ADAMTSL3: variants seen among roughly 807,000 people sequenced by gnomAD.
The protein encoded by ADAMTSL3 is ADAMTS-like protein 3.
A neutral mutation model predicts 201.7 loss-of-function variants in ADAMTSL3; 128 were observed. The observed-to-expected ratio is 0.63, with a 90% CI of 0.55 to 0.73. The LOEUF is 0.73. Among genes scored for constraint, ADAMTSL3 ranks in the 30% least tolerant of loss-of-function variants. ADAMTSL3 has a pLI of 0.00. For missense variants in ADAMTSL3, 1,990 were observed against 2,119.6 expected (o/e 0.94, Z 1.20); for synonymous variants, 738 against 748.4 (o/e 0.99, Z 0.23).
At chr15:83,836,502 A>T (rs776006429) in intron 6 of ADAMTSL3, among the ~76,000 whole-genome samples, 31 of 152,306 alleles carry the variant, frequency 2.0e-4, no homozygotes, top group Non-Finnish European at 4.3e-4. Flanking sequence ...GAATTGTTAT[A>T]AATAATTGTC....
intron 21 of ADAMTSL3, 134 bp downstream of exon 21, chr15:83,983,478 A>G (rs1324533441): frequency 2.9e-6 from 2 of 699,408 alleles, no homozygotes; most frequent in East Asian, 3.0e-5. Flanking sequence ...AGAAACTAAA[A>G]AATGTTAAGA....
intron 2 of ADAMTSL3, among the ~76,000 whole-genome samples, chr15:83,676,961 A>G (rs555612256): frequency 6.4e-4 from 98 of 152,326 alleles, no homozygotes; most frequent in Admixed American, 1.1e-3. Flanking sequence ...TTTATAAACT[A>G]CCCAGTTTGT....
chr15:83,797,398 C>T (rs1281511658), intron 4 of ADAMTSL3, among the ~76,000 whole-genome samples: 4 of 152,004 alleles, frequency 2.6e-5, no homozygotes, highest in Non-Finnish European at 5.9e-5. Context: ...GGATCACTTG[C>T]GGTCAGGAGT....
At chr15:83,885,899 A>G (rs892261434) in intron 10 of ADAMTSL3, among the ~76,000 whole-genome samples, 1 of 151,900 alleles carries the variant, frequency 6.6e-6, no homozygotes, top group Non-Finnish European at 1.5e-5. Context: ...TAATTTTTGT[A>G]TTTTTAGTAA....
chr15:83,923,871 T>C (rs200533233), intron 16 of ADAMTSL3, 33 bp from the exon 17 acceptor site: 222 of 1,611,568 alleles, frequency 1.4e-4, no homozygotes, highest in Non-Finnish European at 1.8e-4. Context: ...TTATTCCATG[T>C]CATTTGCATT....
At chr15:83,938,450 G>A (rs895413516) in intron 17 of ADAMTSL3, among the ~76,000 whole-genome samples, 1 of 152,184 alleles carries the variant, frequency 6.6e-6, no homozygotes, top group Non-Finnish European at 1.5e-5. Flanking sequence ...CTAGGCTAGA[G>A]CTATTTTATA....
chr15:83,907,059 A>T (rs1445391536), intron 15 of ADAMTSL3, among the ~76,000 whole-genome samples: 1 of 145,444 alleles, frequency 6.9e-6, no homozygotes, highest in African/African-American at 2.6e-5. Context: ...ACACCACTGC[A>T]CTCCAGCCTG....
chr15:83,812,160 T>C, intron 5 of ADAMTSL3, among the ~76,000 whole-genome samples: 1 of 152,322 alleles, frequency 6.6e-6, no homozygotes, highest in East Asian at 1.9e-4. Flanking sequence ...TTGAACTGCT[T>C]CCTGCTTTAT....
At position 83,714,780 on chromosome 15, in the gene ADAMTSL3, TTTC is replaced by T. The variant is rs1218148807; in HGVS notation, c.189+10275_189+10277del. On this transcript the variant is annotated intron_variant, in intron 3 of 29. Transcript: ENST00000286744. ...CCTTTTCTCTTTCTTTCTTTCTTTCTTTCTTTTTCTTTCTCTCTCTTTCTTTCT... is the reference window on the plus strand; with the variant it reads ...CCTTTTCTCTTTCTTTCTTTCTTTCTTTTTTCTTTCTCTCTCTTTCTTTCT... 3.4e-5 allele frequency among the ~76,000 whole-genome samples: 4 copies of T among 116,924 alleles called. 1 individual carries two copies. The highest frequency in any genetic ancestry group is 1.2e-4 in the African/African-American group (4 of 34,156). 76.7% of individuals were successfully genotyped at this position (116,924 alleles called of 152,430 possible).
At chr15:83,700,722 T>A (rs1035882663) in intron 2 of ADAMTSL3, among the ~76,000 whole-genome samples, 6 of 152,064 alleles carry the variant, frequency 3.9e-5, no homozygotes, top group African/African-American at 7.2e-5. Context: ...TGAAATCACG[T>A]CACTCAATTC....
chr15:83,913,427 G>T, intron 16 of ADAMTSL3, 49 bp downstream of exon 16: 1 of 1,576,354 alleles, frequency 6.3e-7, no homozygotes, highest in Non-Finnish European at 8.6e-7. Context: ...GTTGCTAGTG[G>T]TTTGAGAAAT....
intron 17 of ADAMTSL3, among the ~76,000 whole-genome samples, chr15:83,928,384 G>A (rs1293881800): frequency 2.0e-5 from 3 of 152,076 alleles, no homozygotes; most frequent in Admixed American, 6.6e-5. Flanking sequence ...ATATGTTGGG[G>A]TATATTTTAT....
chr15:83,724,843 G>C (rs528855612), intron 3 of ADAMTSL3, among the ~76,000 whole-genome samples: 4 of 152,014 alleles, frequency 2.6e-5, no homozygotes, highest in Non-Finnish European at 5.9e-5. Flanking sequence ...TTAGCATAAA[G>C]ACCTCCAGTT....
At chr15:83,687,486 C>G (rs928365293) in intron 2 of ADAMTSL3, among the ~76,000 whole-genome samples, 2 of 152,126 alleles carry the variant, frequency 1.3e-5, no homozygotes, top group Non-Finnish European at 2.9e-5. Flanking sequence ...GCTCTTAGGA[C>G]TTCCTGGGAA....
At chr15:83,912,731 A>G (rs944180333) in intron 15 of ADAMTSL3, among the ~76,000 whole-genome samples, 1 of 152,220 alleles carries the variant, frequency 6.6e-6, no homozygotes, top group African/African-American at 2.4e-5. Context: ...ATATTGGTGA[A>G]AATCTCCATA....
chr15:83,912,970 G>T (rs544786579), intron 15 of ADAMTSL3, 122 bp from the exon 16 acceptor site: 1 of 1,022,036 alleles, frequency 9.8e-7, no homozygotes, highest in African/African-American at 1.6e-5. Context: ...TTCCAAATGT[G>T]TGGAATTCCA....
intron 19 of ADAMTSL3, among the ~76,000 whole-genome samples, chr15:83,960,685 A>G (rs2066950309): frequency 6.6e-6 from 1 of 152,196 alleles, no homozygotes; most frequent in African/African-American, 2.4e-5. Context: ...GTTATTTAAG[A>G]GGCTCTTTTA....
intron 4 of ADAMTSL3, among the ~76,000 whole-genome samples, chr15:83,790,916 AG>A (rs2063333585): frequency 6.6e-6 from 1 of 152,226 alleles, no homozygotes; most frequent in Non-Finnish European, 1.5e-5. Context: ...CATTCAGAAA[AG>A]TTAAATGCTA....
intron 4 of ADAMTSL3, among the ~76,000 whole-genome samples, chr15:83,796,213 G>GA (rs2063423252): frequency 6.6e-6 from 1 of 151,462 alleles, no homozygotes; most frequent in Non-Finnish European, 1.5e-5. Flanking sequence ...AGTAAGGCTA[G>GA]AAAAAAAATG....
Sources: gnomAD v4.1 joint callset for allele counts (sites outside exome capture counted in the v4.1 genomes callset) on GRCh38, gnomAD v4.1.1 for gene constraint, MANE v1.5 for transcripts, NCBI Gene and HGNC (gene_info 2026-07-23, HGNC 2026-07-21) for gene names.